The following HELZ variants were observed in gnomAD, a reference collection of about 807,000 sequenced individuals.
HELZ encodes ATP-dependent RNA helicase with zinc finger domain.
HELZ carries 23 observed loss-of-function variants against 218.2 expected under a neutral mutation model. The ratio of observed to expected loss-of-function variants is 0.11; its 90% CI spans 0.08 to 0.15. The LOEUF is 0.15. Ranked by LOEUF, HELZ falls within the 10% of genes least tolerant of loss-of-function variation. The pLI is 1.00. For missense variants in HELZ, 1,813 were observed against 2,353.7 expected (o/e 0.77, Z 4.75); for synonymous variants, 814 against 829.4 (o/e 0.98, Z 0.32).
At chr17:67,204,822 G>A (rs1048653731) in intron 5 of HELZ, among the ~76,000 whole-genome samples, 1 of 151,970 alleles carries the variant, frequency 6.6e-6, no homozygotes, top group African/African-American at 2.4e-5. Context: ...GAGTTATCAA[G>A]TGAAAAACTC....
At chr17:67,142,652 T>C (rs935495975) in intron 21 of HELZ, among the ~76,000 whole-genome samples, 6 of 152,116 alleles carry the variant, frequency 3.9e-5, no homozygotes, top group African/African-American at 9.7e-5. Context: ...AGATATACCA[T>C]GCAAACAGCA....
At chr17:67,164,482 T>C (rs1311464781) in intron 15 of HELZ, among the ~76,000 whole-genome samples, 2 of 152,094 alleles carry the variant, frequency 1.3e-5, no homozygotes, top group East Asian at 3.9e-4. Flanking sequence ...GTCCGATGGG[T>C]GTATAGTATC....
At chr17:67,094,944 G>A (rs537419831) in intron 31 of HELZ, among the ~76,000 whole-genome samples, 2 of 152,212 alleles carry the variant, frequency 1.3e-5, no homozygotes, top group East Asian at 3.8e-4. Context: ...TGAAGGCTGA[G>A]GTGGCTGTGG....
intron 12 of HELZ, among the ~76,000 whole-genome samples, chr17:67,181,379 T>G (rs1440126508): frequency 6.6e-6 from 1 of 152,196 alleles, no homozygotes; most frequent in Non-Finnish European, 1.5e-5. Flanking sequence ...GCTTTTCTAC[T>G]CTGGGTTAAC....
chr17:67,192,107 C>T (rs150834257), intron 9 of HELZ, among the ~76,000 whole-genome samples: 1,540 of 151,974 alleles, frequency 0.01, 24 homozygotes, highest in African/African-American at 0.034. Context: ...GAGGCTGAGG[C>T]AGGAGAATCG....
intron 24 of HELZ, among the ~76,000 whole-genome samples, chr17:67,125,789 T>G (rs2037776879): frequency 6.6e-6 from 1 of 152,166 alleles, no homozygotes; most frequent in Middle Eastern, 3.2e-3. Context: ...CTGGATTATG[T>G]GGGTGAGCCC....
intron 23 of HELZ, among the ~76,000 whole-genome samples, chr17:67,130,543 T>C (rs921674512): frequency 2.0e-5 from 3 of 152,182 alleles, no homozygotes; most frequent in Non-Finnish European, 4.4e-5. Context: ...AGGAAATACA[T>C]GCTGAAAAGC....
At position 67,218,620 on chromosome 17, in the gene HELZ, T is replaced by C; in HGVS notation, c.185A>G (p.Tyr62Cys). 6.2e-7 allele frequency: 1 copy of C among 1,614,132 alleles called. No individual in the cohort carries two copies. Among genetic ancestry groups the C allele is most frequent in the Non-Finnish European group, 8.5e-7 (1 of 1,179,984 alleles). The change falls in exon 4 of 33, where the codon TAC (tyrosine) becomes TGC (cysteine). Residue 62 changes from tyrosine (Y) to cysteine (C), a missense_variant. Tyr to Cys is a radical substitution (Grantham distance 194). Around this residue, in one of 4 missense-constraint regions of HELZ, gnomAD observed 714 missense variants for 1,029.2 expected, o/e 0.69. Coordinates refer to ENST00000358691, the MANE Select transcript of HELZ (RefSeq NM_014877.4). ...IERIKIESLL[Y>C]RIASFLQLKN... ...CAGTTGCAAAAATGAGGCAATTCTG[T>C]AGAGAAGACTCTCGATTTTGATGCG...
rs112303686 is a variant in HELZ at position 67,218,290 on chromosome 17, T to C, written c.210+305A>G. Among the ~76,000 whole-genome samples the C allele has an allele frequency of 1.3e-4, 20 of 152,326 alleles. 1 individual carries two copies. The highest frequency in any genetic ancestry group is 3.8e-4 in the African/African-American group (16 of 41,586). The stretch of plus-strand genomic sequence containing the variant: ...TTCTGTTCCCCTACTAGAAAAAGTA[T>C]CATAAAGAAGAGACTTTTCTTTCTC... On this transcript the variant is annotated intron_variant, in intron 4 of 32. Coordinates refer to ENST00000358691, the MANE Select transcript of HELZ (RefSeq NM_014877.4).
intron 12 of HELZ, among the ~76,000 whole-genome samples, chr17:67,180,795 G>A (rs911584840): frequency 6.6e-6 from 1 of 150,400 alleles, no homozygotes; most frequent in Non-Finnish European, 1.5e-5. Context: ...GGAGAATGGC[G>A]TGAACCCGGA....
chr17:67,084,720 T>A (rs188979091), intron 32 of HELZ, among the ~76,000 whole-genome samples: 195 of 151,640 alleles, frequency 1.3e-3, no homozygotes, highest in Non-Finnish European at 2.2e-3. Flanking sequence ...GTAAAAAAAT[T>A]ATAATAAACA....
intron 7 of HELZ, chr17:67,200,928 G>C (rs1423731482): frequency 3.6e-6 from 2 of 560,844 alleles, no homozygotes; most frequent in East Asian, 5.7e-5. Flanking sequence ...GCACACAGAG[G>C]AGACATGTGG....
intron 31 of HELZ, among the ~76,000 whole-genome samples, chr17:67,098,098 T>C (rs2036804440): frequency 6.6e-6 from 1 of 152,206 alleles, no homozygotes; most frequent in Non-Finnish European, 1.5e-5. Context: ...AACTGAAGAT[T>C]GAATTCTTCA....
At chr17:67,098,978 C>T (rs117727934) in intron 31 of HELZ, among the ~76,000 whole-genome samples, 196 of 152,136 alleles carry the variant, frequency 1.3e-3, no homozygotes, top group Non-Finnish European at 2.5e-3. Context: ...CAGTAAAGGC[C>T]CCCAAACCAA....
intron 31 of HELZ, among the ~76,000 whole-genome samples, chr17:67,101,909 G>C (rs1324505387): frequency 2.0e-5 from 3 of 152,156 alleles, no homozygotes; most frequent in Non-Finnish European, 4.4e-5. Context: ...CAATCTATTG[G>C]CAATTGGGGA....
intron 7 of HELZ, 24 bp from the exon 8 acceptor site, chr17:67,195,494 T>C: frequency 6.8e-7 from 1 of 1,463,560 alleles, no homozygotes. Context: ...AATGAAAGAA[T>C]TTTTTAAACA....
chr17:67,119,966 G>A (rs1265359374), intron 27 of HELZ: 2 of 284,990 alleles, frequency 7.0e-6, no homozygotes, highest in South Asian at 5.1e-5. Flanking sequence ...AGGATCCATA[G>A]TTTATATGTT....
At chr17:67,205,209 C>A (rs1452631336) in intron 5 of HELZ, among the ~76,000 whole-genome samples, 1 of 151,804 alleles carries the variant, frequency 6.6e-6, no homozygotes, top group Non-Finnish European at 1.5e-5. Flanking sequence ...ACCTGTAATC[C>A]CAGCTACTCG....
Position 67,231,950 on chromosome 17 carries a change from G to A in HELZ, c.-19+7483C>T, listed in dbSNP as rs569950713. Among the ~76,000 whole-genome samples, 15 of 150,946 alleles carry A rather than the reference G, an allele frequency of 9.9e-5. No individual in the cohort carries two copies. The East Asian group carries it at 2.8e-3, about 28-fold the overall frequency. ...CGCCTGTAATCCCAGCTACTCAGGA[G>A]GCTGAGGCAGGAGAATTGCTTGAAC... is the stretch of plus-strand genomic sequence containing the variant. On this transcript the variant is annotated intron_variant, in intron 3 of 32. Transcript: ENST00000358691.
Sources: gnomAD v4.1 joint callset for allele counts (sites outside exome capture counted in the v4.1 genomes callset) on GRCh38, gnomAD v4.1.1 for gene constraint, gnomAD v4.1.1 regional missense constraint, MANE v1.5 for transcripts, NCBI Gene and HGNC (gene_info 2026-07-23, HGNC 2026-07-21) for gene names.